MORC1: variants seen among roughly 807,000 people sequenced by gnomAD.
MORC1 encodes MORC family CW-type zinc finger protein 1.
MORC1 carries 59 observed loss-of-function variants against 134.9 expected under a neutral mutation model. The observed-to-expected ratio is 0.44, with a 90% CI of 0.35 to 0.54. The LOEUF is 0.54. Among genes scored for constraint, MORC1 ranks in the 20% least tolerant of loss-of-function variants. The pLI, the probability that MORC1 is intolerant of heterozygous loss-of-function variation, is 0.00. For synonymous variants in MORC1, 395 were observed against 391.7 expected (o/e 1.01, Z -0.10); for missense variants, 947 against 1,134.5 (o/e 0.83, Z 2.37).
At position 109,000,940 on chromosome 3, in the gene MORC1, T is replaced by C. The variant is rs554390278; in HGVS notation, c.2086-282A>G. Among the ~76,000 whole-genome samples, 9 of 152,308 alleles carry C rather than the reference T, an allele frequency of 5.9e-5. No homozygotes were observed. The South Asian group carries it at 1.2e-3, about 21-fold the overall frequency. On this transcript the variant is annotated intron_variant, in intron 20 of 27. Transcript: ENST00000232603. The stretch of plus-strand genomic sequence containing the variant: ...CCTAGTGTGTTTATTGGACAGGATA[T>C]TAGAAATTTACTACAAGTAATCTTC...
At chr3:109,029,005 G>A (rs1003852616) in intron 16 of MORC1, among the ~76,000 whole-genome samples, 10 of 152,148 alleles carry the variant, frequency 6.6e-5, no homozygotes, top group African/African-American at 2.4e-4. Context: ...GGCAAGGGAG[G>A]AGGAGGCTGA....
chr3:108,982,726 T>TAAA lies in MORC1; in HGVS notation c.2324+1987_2324+1989dup, dbSNP rs72358419. ...CACATGTACCCTAGAACTTAAAGTATAAAAAAAAAAAAAAAGAAGAAGAAG... is the reference window on the plus strand; with the variant it reads ...CACATGTACCCTAGAACTTAAAGTATAAAAAAAAAAAAAAAAAAGAAGAAGAAG... On this transcript the variant is annotated intron_variant, in intron 23 of 27. Transcript: ENST00000232603. 8.2e-3 allele frequency among the ~76,000 whole-genome samples: 965 copies of TAAA among 117,778 alleles called. 8 individuals are homozygous for TAAA. Among genetic ancestry groups the TAAA allele is most frequent in the African/African-American group, 0.018 (516 of 29,370 alleles). 77.3% of individuals were successfully genotyped at this position (117,778 alleles called of 152,430 possible).
chr3:109,025,214 C>T (rs1949044982), intron 17 of MORC1, among the ~76,000 whole-genome samples: 1 of 151,944 alleles, frequency 6.6e-6, no homozygotes, highest in Admixed American at 6.6e-5. Flanking sequence ...ATTTAAGTGA[C>T]TGGTTCCATG....
intron 25 of MORC1, among the ~76,000 whole-genome samples, chr3:108,970,433 T>A (rs1053175384): frequency 6.6e-6 from 1 of 152,138 alleles, no homozygotes; most frequent in African/African-American, 2.4e-5. Flanking sequence ...AGGTCACTGG[T>A]GGCCCTGACA....
intron 1 of MORC1, 121 bp downstream of exon 1, chr3:109,117,874 A>C: frequency 1.2e-6 from 1 of 847,502 alleles, no homozygotes; most frequent in Non-Finnish European, 1.9e-6. Context: ...TACAGCTCAA[A>C]TAAATAAATA....
chr3:109,070,767 G>A (rs981089139), intron 8 of MORC1, among the ~76,000 whole-genome samples: 1 of 152,148 alleles, frequency 6.6e-6, no homozygotes, highest in Non-Finnish European at 1.5e-5. Flanking sequence ...AGAGCTCCAA[G>A]GAATTTTCGA....
rs780580603 is a variant in MORC1 at position 109,007,096 on chromosome 3, A to T, written c.1705-5T>A. On this transcript the variant is annotated splice_polypyrimidine_tract_variant and splice_region_variant and intron_variant, in intron 17 of 27. Coordinates refer to ENST00000232603, the MANE Select transcript of MORC1 (RefSeq NM_014429.4). The stretch of plus-strand genomic sequence containing the variant: ...GTCCACTGGTATAAATTGAGGCTTT[A>T]TGGGAAAGCAAACCATTAAGGCAAA... 6.2e-7 allele frequency: 1 copy of T among 1,607,464 alleles called. No individual in the cohort carries two copies. The highest frequency in any genetic ancestry group is 8.5e-7 in the Non-Finnish European group (1 of 1,177,050).
intron 17 of MORC1, among the ~76,000 whole-genome samples, chr3:109,022,125 C>G (rs3804693): frequency 0.48 from 72,427 of 152,078 alleles, 20,391 homozygotes; most frequent in East Asian, 0.91. Context: ...AGAATAGCCT[C>G]TTGTTAGACA....
chr3:109,082,393 AAGAAACAACAGCAAAC>A (rs1446950659), intron 8 of MORC1, among the ~76,000 whole-genome samples: 1 of 152,206 alleles, frequency 6.6e-6, no homozygotes, highest in East Asian at 1.9e-4. Flanking sequence ...GTACATCCAC[AAGAAACAACAGCAAAC>A]AGAGAAGCAG....
At chr3:109,012,122 T>C (rs1415256449) in intron 17 of MORC1, among the ~76,000 whole-genome samples, 1 of 152,152 alleles carries the variant, frequency 6.6e-6, no homozygotes, top group Non-Finnish European at 1.5e-5. Context: ...ATGTTGTATA[T>C]GACAGGAGGT....
At chr3:109,085,029 A>G (rs1950590194) in intron 8 of MORC1, among the ~76,000 whole-genome samples, 2 of 152,136 alleles carry the variant, frequency 1.3e-5, no homozygotes, top group South Asian at 4.1e-4. Flanking sequence ...TGTAAGACCA[A>G]AAACTATGAA....
chr3:108,997,075 G>A (rs1948254891), intron 21 of MORC1, among the ~76,000 whole-genome samples: 1 of 146,484 alleles, frequency 6.8e-6, no homozygotes, highest in South Asian at 2.1e-4. Context: ...ATGAGCAGAA[G>A]TAACTAGAGA....
At position 108,958,955 on chromosome 3, in the gene MORC1, C is replaced by T. The variant is rs1173275492; in HGVS notation, c.*10G>A. The T allele has an allele frequency of 6.8e-7, 1 of 1,469,272 alleles. No homozygotes were observed. Among genetic ancestry groups the T allele is most frequent in the Non-Finnish European group, 9.0e-7 (1 of 1,108,452 alleles). The allele number at this position is 1,469,272 out of a possible 1,614,324, so 91.0% of individuals were successfully genotyped here. ...ATTAGCATTTTTTAAAAGGTAATAC[C>T]ATCTCTGACTTAATTTTCCGAAGTC... On this transcript the variant is annotated 3_prime_UTR_variant, in exon 28 of 28. Transcript: ENST00000232603.
rs531122661 is a variant in MORC1 at position 109,062,572 on chromosome 3, C to A, written c.896-514G>T. Among the ~76,000 whole-genome samples, 54 of 151,980 alleles carry A rather than the reference C, an allele frequency of 3.6e-4. No homozygotes were observed. In the East Asian group the frequency reaches 0.01, roughly 29 times the overall value. Reference sequence around the variant, plus strand: ...AGTAGCTGGGACTACAGGCGCCCACCACCACACCCGGCTAACTTTTTGTAT... The same window carrying A: ...AGTAGCTGGGACTACAGGCGCCCACAACCACACCCGGCTAACTTTTTGTAT... On this transcript the variant is annotated intron_variant, in intron 10 of 27. Transcript: ENST00000232603.
chr3:108,977,794 G>C (rs907827649), intron 24 of MORC1, among the ~76,000 whole-genome samples: 1 of 152,102 alleles, frequency 6.6e-6, no homozygotes, highest in East Asian at 1.9e-4. Flanking sequence ...GGCAGAGGGT[G>C]GGAAACTAGT....
Position 109,059,907 on chromosome 3 carries a change from C to T in MORC1, c.967-37G>A, listed in dbSNP as rs988445564. 6 of 1,559,440 alleles carry T rather than the reference C, an allele frequency of 3.8e-6. No individual in the cohort carries two copies. The Admixed American group carries it at 7.3e-5, about 19-fold the overall frequency. On this transcript the variant is annotated intron_variant, in intron 11 of 27. Transcript: ENST00000232603. Reference sequence around the variant, plus strand: ...CATTGGTTGGGAGAGAACATAATGCCACTGAATTAACAAAAAGCAAGTTGA... The same window carrying T: ...CATTGGTTGGGAGAGAACATAATGCTACTGAATTAACAAAAAGCAAGTTGA...
chr3:108,963,687 T>C (rs1947143190), intron 26 of MORC1, 79 bp from the exon 27 acceptor site: 8 of 980,348 alleles, frequency 8.2e-6, no homozygotes, highest in African/African-American at 1.6e-5. Flanking sequence ...AATTTCATAT[T>C]CCAACTCTGC....
At chr3:109,083,737 C>T (rs766301772) in intron 8 of MORC1, among the ~76,000 whole-genome samples, 16 of 152,050 alleles carry the variant, frequency 1.1e-4, no homozygotes, top group Non-Finnish European at 1.5e-4. Context: ...ATGTCACTGA[C>T]GAACACAGAT....
At chr3:109,033,983 A>G (rs1949310572) in intron 15 of MORC1, among the ~76,000 whole-genome samples, 1 of 152,236 alleles carries the variant, frequency 6.6e-6, no homozygotes, top group African/African-American at 2.4e-5. Flanking sequence ...TCAAAATCAC[A>G]GTAACTGTTA....
Sources: gnomAD v4.1 joint callset for allele counts (sites outside exome capture counted in the v4.1 genomes callset) on GRCh38, gnomAD v4.1.1 for gene constraint, MANE v1.5 for transcripts, NCBI Gene and HGNC (gene_info 2026-07-23, HGNC 2026-07-21) for gene names.